Variants in ABHD12B observed in about 807,000 individuals in gnomAD.
ABHD12B encodes protein ABHD12B.
A neutral mutation model predicts 50.4 loss-of-function variants in ABHD12B; 42 were observed. The observed-to-expected ratio is 0.83, with a 90% CI of 0.65 to 1.08. ABHD12B has a LOEUF of 1.08. ABHD12B is among the 50% of genes least tolerant of loss of function. ABHD12B has a pLI of 0.00. For missense variants in ABHD12B, 479 were observed against 447.7 expected, an observed-to-expected ratio of 1.07 and a Z score of -0.63; for synonymous variants, 167 against 160.3, an observed-to-expected ratio of 1.04 and a Z score of -0.32.
chr14:50,899,027 T>C (rs1596022843), intron 9 of ABHD12B, among the ~76,000 whole-genome samples: 1 of 152,226 alleles, frequency 6.6e-6, no homozygotes, highest in African/African-American at 2.4e-5. Context: ...ACCCTGTCTC[T>C]ACTAAAAATA....
chr14:50,890,346 C>T (rs748820931), intron 9 of ABHD12B, among the ~76,000 whole-genome samples: 11 of 152,090 alleles, frequency 7.2e-5, no homozygotes, highest in East Asian at 1.9e-4. Context: ...CTATTACCTA[C>T]GTCAAGAAAT....
At position 50,872,111 on chromosome 14, in the gene ABHD12B, C is replaced by A; in HGVS notation, c.-64C>A. On this transcript the variant is annotated 5_prime_UTR_variant, in exon 1 of 13. Transcript: ENST00000337334. ...CGCGGTGCCGCCGGGGCGGGAAGGT[C>A]GCGGGCGGCTGCTCCGGACTGCAGC... The A allele has an allele frequency of 8.6e-7, 1 of 1,159,542 alleles. No individual in the cohort carries two copies. The highest frequency in any genetic ancestry group is 1.1e-6 in the Non-Finnish European group (1 of 929,562). The allele number at this position is 1,159,542 out of a possible 1,614,324, so 71.8% of individuals were successfully genotyped here.
chr14:50,880,513 G>A lies in ABHD12B; in HGVS notation c.397G>A (p.Ala133Thr), dbSNP rs1182323405. Residue 133 changes from alanine to threonine, a missense_variant, in exon 4 of 13, where the codon GCA becomes ACA. Physicochemically the swap from Ala to Thr is moderately conservative, Grantham distance 58 (BLOSUM62 0). Transcript: ENST00000337334. ...AKGKDCCWYE[A>T]ALRDGNPIIV... ...GGGGAAGGACTGTTGCTGGTATGAA[G>A]CAGCCCTTCGTGATGGGAACCCAAT... 2.3e-5 allele frequency: 37 copies of A among 1,609,842 alleles called. No individual in the cohort carries two copies. Among genetic ancestry groups the A allele is most frequent in the Middle Eastern group, 3.3e-4 (2 of 6,050 alleles).
At position 50,877,095 on chromosome 14, in the gene ABHD12B, G is replaced by A. The variant is rs138892019; in HGVS notation, c.105-857G>A. On this transcript the variant is annotated intron_variant, in intron 1 of 12. Coordinates refer to ENST00000337334, the MANE Select transcript of ABHD12B (RefSeq NM_001206673.2). Reference sequence around the variant, plus strand: ...GGTTTGTGTCACAGGGAACAATAGCGTAGGCAAGATGTGCATGCGCCCATC... The same window carrying A: ...GGTTTGTGTCACAGGGAACAATAGCATAGGCAAGATGTGCATGCGCCCATC... 7.8e-4 allele frequency among the ~76,000 whole-genome samples: 118 copies of A among 152,220 alleles called. 1 individual carries two copies. The highest frequency in any genetic ancestry group is 6.8e-3 in the Middle Eastern group (2 of 294).
intron 5 of ABHD12B, among the ~76,000 whole-genome samples, chr14:50,883,465 A>G (rs986365608): frequency 6.6e-6 from 1 of 152,152 alleles, no homozygotes; most frequent in Admixed American, 6.5e-5. Context: ...GGCTGGGTGC[A>G]GTGTTGCCCA....
intron 1 of ABHD12B, among the ~76,000 whole-genome samples, chr14:50,873,443 C>T (rs752149281): frequency 6.6e-6 from 1 of 152,212 alleles, no homozygotes; most frequent in Non-Finnish European, 1.5e-5. Context: ...ACTCCTGGAG[C>T]TCACAGATTC....
At chr14:50,899,018 C>A (rs1256860480) in intron 9 of ABHD12B, among the ~76,000 whole-genome samples, 1 of 152,112 alleles carries the variant, frequency 6.6e-6, no homozygotes, top group Non-Finnish European at 1.5e-5. Flanking sequence ...CATGGCGAGA[C>A]CCTGTCTCTA....
intron 1 of ABHD12B, among the ~76,000 whole-genome samples, chr14:50,874,341 C>A (rs1170533642): frequency 6.6e-6 from 1 of 152,178 alleles, no homozygotes; most frequent in Non-Finnish European, 1.5e-5. Context: ...TGGCTCACAT[C>A]TGTAATCCCA....
chr14:50,894,074 G>A (rs879244138), intron 9 of ABHD12B, among the ~76,000 whole-genome samples: 10 of 152,096 alleles, frequency 6.6e-5, no homozygotes, highest in East Asian at 3.9e-4. Context: ...GGCAAGTCCC[G>A]CTTTTCTGGG....
At chr14:50,897,995 C>CT (rs1370450790) in intron 9 of ABHD12B, among the ~76,000 whole-genome samples, 1 of 152,150 alleles carries the variant, frequency 6.6e-6, no homozygotes, top group Admixed American at 6.5e-5. Context: ...CCAATGAAGA[C>CT]TTCAGAGCCT....
intron 5 of ABHD12B, among the ~76,000 whole-genome samples, chr14:50,885,343 A>T (rs1436918945): frequency 1.3e-5 from 2 of 152,196 alleles, no homozygotes; most frequent in African/African-American, 4.8e-5. Flanking sequence ...TCTTCATCGA[A>T]TATAAAATAG....
chr14:50,880,544 T>G lies in ABHD12B; in HGVS notation c.428T>G (p.Val143Gly). Reference protein sequence around the residue: ...AALRDGNPIIVYLHGSAEHRA... With the variant: ...AALRDGNPIIGYLHGSAEHRA... ...CTTCGTGATGGGAACCCAATTATTG[T>G]TTATCTTCATGGCAGTGCAGAACAC... Residue 143 changes from valine to glycine, a missense_variant, in exon 4 of 13, where the codon GTT becomes GGT. Physicochemically the swap from Val to Gly is moderately radical, Grantham distance 109. Transcript: ENST00000337334. The G allele has an allele frequency of 3.7e-6, 6 of 1,605,444 alleles. No homozygotes were observed. Among genetic ancestry groups the G allele is most frequent in the Non-Finnish European group, 5.1e-6 (6 of 1,175,560 alleles).
intron 5 of ABHD12B, among the ~76,000 whole-genome samples, chr14:50,884,061 G>A (rs2049999853): frequency 6.6e-6 from 1 of 152,140 alleles, no homozygotes; most frequent in Admixed American, 6.5e-5. Flanking sequence ...TTAAAAGGTT[G>A]TGTCATTCTC....
In ABHD12B at chr14:50,904,139, T is replaced by G. The variant is rs2142778281; in HGVS notation, c.1008T>G (p.Pro336=). Reference sequence around the variant, plus strand: ...GGGTCAAGATGGTTATCTTTCCTCCTGGCTTCCAACACAACCTGCTTTGTA... The same window carrying G: ...GGGTCAAGATGGTTATCTTTCCTCCGGGCTTCCAACACAACCTGCTTTGTA... ...KERVKMVIFP[P]GFQHNLLCKS... Residue 336 remains proline (P), a synonymous_variant, in exon 12 of 13, where the codon CCT becomes CCG. Coordinates refer to ENST00000337334, the MANE Select transcript of ABHD12B (RefSeq NM_001206673.2). The G allele has an allele frequency of 6.2e-7, 1 of 1,614,188 alleles. No homozygotes were observed. Among genetic ancestry groups the G allele is most frequent in the Non-Finnish European group, 8.5e-7 (1 of 1,180,008 alleles).
chr14:50,875,667 T>G (rs1009058858), intron 1 of ABHD12B, among the ~76,000 whole-genome samples: 3 of 152,160 alleles, frequency 2.0e-5, no homozygotes, highest in African/African-American at 7.2e-5. Flanking sequence ...TGACTTTTGA[T>G]CCCTTACTGA....
chr14:50,886,173 C>T (rs1056751606), intron 7 of ABHD12B, among the ~76,000 whole-genome samples: 2 of 152,150 alleles, frequency 1.3e-5, no homozygotes, highest in African/African-American at 4.8e-5. Flanking sequence ...CGGGGTAGCT[C>T]ACACCTGTAA....
chr14:50,904,790 C>A lies in ABHD12B; in HGVS notation c.*424C>A, dbSNP rs1010579211. 3 of 250,946 alleles carry A rather than the reference C, an allele frequency of 1.2e-5. No individual in the cohort carries two copies. The highest frequency in any genetic ancestry group is 1.1e-4 in the South Asian group (2 of 18,176). 15.5% of individuals were successfully genotyped at this position (250,946 alleles called of 1,614,324 possible). A position where few individuals can be genotyped will look rare whatever the true frequency, so the allele number is the denominator to read the frequency against. On this transcript the variant is annotated 3_prime_UTR_variant, in exon 13 of 13. Transcript: ENST00000337334. ...TGAGCTCTGATGAATGAGATTAGTGCCCTTATAAATTATGACCAAAAGAGC... is the reference window on the plus strand; with the variant it reads ...TGAGCTCTGATGAATGAGATTAGTGACCTTATAAATTATGACCAAAAGAGC...
Position 50,903,394 on chromosome 14 carries a change from A to G in ABHD12B, c.869A>G (p.Lys290Arg). The change falls in exon 11 of 13, where the codon AAA becomes AGA. Residue 290 changes from lysine (K) to arginine (R), a missense_variant. Transcript: ENST00000337334. Reference sequence around the variant, plus strand: ...TTTCTTCTACTTGTCCCTAGTGTTAAATTCCTTTCTTCTCCTCTTCTCATC... The same window carrying G: ...TTTCTTCTACTTGTCCCTAGTGTTAGATTCCTTTCTTCTCCTCTTCTCATC... ...KIIFPNDENV[K>R]FLSSPLLILH... 1 of 1,611,146 alleles carries G rather than the reference A, an allele frequency of 6.2e-7. No individual in the cohort carries two copies. Among genetic ancestry groups the G allele is most frequent in the African/African-American group, 1.3e-5 (1 of 74,922 alleles).
Position 50,903,448 on chromosome 14 carries a change from C to A in ABHD12B, c.923C>A (p.Pro308His). The A allele has an allele frequency of 6.2e-7, 1 of 1,612,402 alleles. No individual in the cohort carries two copies. Among genetic ancestry groups the A allele is most frequent in the Non-Finnish European group, 8.5e-7 (1 of 1,178,968 alleles). Residue 308 changes from proline (P) to histidine (H), a missense_variant, in exon 11 of 13, where the codon CCT (proline) becomes CAT (histidine). Transcript: ENST00000337334. ...ILHGEDDRTV[P>H]LEYGKKLYEI... ...CATGGAGAGGATGACAGGACAGTGCCTTTGGAGTATGGGAAAAAGGTAAAC... is the reference window on the plus strand; with the variant it reads ...CATGGAGAGGATGACAGGACAGTGCATTTGGAGTATGGGAAAAAGGTAAAC...
Sources: allele counts gnomAD v4.1 joint callset (sites outside exome capture counted in the v4.1 genomes callset), GRCh38; gene constraint gnomAD v4.1.1; transcripts MANE v1.5; gene names NCBI Gene and HGNC (gene_info 2026-07-23, HGNC 2026-07-21).